The following MAP3K11 variants were observed in gnomAD, a reference collection of about 807,000 sequenced individuals.
MAP3K11 encodes mitogen-activated protein kinase kinase kinase 11, also known as SH3 domain-containing proline-rich kinase.
In MAP3K11, 46 loss-of-function variants were observed where a neutral mutation model predicts 84.9. That is an observed-to-expected ratio of 0.54 (90% CI 0.43 to 0.69). MAP3K11 has a LOEUF of 0.69. Among genes scored for constraint, MAP3K11 ranks in the 30% least tolerant of loss-of-function variants. The probability of loss-of-function intolerance (pLI) is 0.00; values close to 1 mark genes in which losing one functional copy is unlikely to be tolerated. For missense variants in MAP3K11, 1,053 were observed against 1,198.3 expected, an observed-to-expected ratio of 0.88 and a Z score of 1.79; for synonymous variants, 527 against 514.7, an observed-to-expected ratio of 1.02 and a Z score of -0.32.
chr11:65,613,975 G>A lies in MAP3K11; in HGVS notation c.-219C>T, dbSNP rs959349628. On this transcript the variant is annotated 5_prime_UTR_variant, in exon 1 of 10. Coordinates refer to ENST00000309100, the MANE Select transcript of MAP3K11 (RefSeq NM_002419.4). The stretch of plus-strand genomic sequence containing the variant: ...GCACCCAGGGCAGTGTGGTCAGGCC[G>A]GGGGGGTGGGGCCCCGGGGCCTCCG... The A allele has an allele frequency of 5.3e-6, 3 of 570,184 alleles. No homozygotes were observed. Among genetic ancestry groups the A allele is most frequent in the Non-Finnish European group, 8.9e-6 (3 of 338,728 alleles). The allele number at this position is 570,184 out of a possible 1,614,324, so 35.3% of individuals were successfully genotyped here.
In MAP3K11 at chr11:65,607,902, T is replaced by C. The variant is rs761601383; in HGVS notation, c.1069+20A>G. On this transcript the variant is annotated intron_variant, in intron 3 of 9. Transcript: ENST00000309100. ...GGGCCAGGGAGCTCTGTACCTCACC[T>C]GCCCTCCCCGTCCTCTTACCGGCCA... 5 of 1,611,934 alleles carry C rather than the reference T, an allele frequency of 3.1e-6. No individual in the cohort carries two copies. The East Asian group carries it at 8.9e-5, about 29-fold the overall frequency.
chr11:65,605,449 T>C (rs923235178), intron 8 of MAP3K11: 3 of 237,400 alleles, frequency 1.3e-5, no homozygotes, highest in Non-Finnish European at 2.4e-5. Context: ...CTTTTCTCCC[T>C]GGAGCCTGCT....
intron 8 of MAP3K11, among the ~76,000 whole-genome samples, chr11:65,600,021 C>A (rs543794279): frequency 1.3e-5 from 2 of 152,234 alleles, no homozygotes; most frequent in Non-Finnish European, 2.9e-5. Flanking sequence ...GACCCCAGAC[C>A]CGAAAGATGG....
chr11:65,604,251 T>TGCCCGG (rs1854484025), intron 8 of MAP3K11, among the ~76,000 whole-genome samples: 1 of 152,256 alleles, frequency 6.6e-6, no homozygotes, highest in Non-Finnish European at 1.5e-5. Flanking sequence ...AGGCCCCTTG[T>TGCCCGG]GCCCCTGCTT....
At chr11:65,607,568 G>T in intron 4 of MAP3K11, 55 bp from the exon 5 acceptor site, 4 of 1,548,728 alleles carry the variant, frequency 2.6e-6, no homozygotes, top group Non-Finnish European at 3.5e-6. Context: ...TCCCGGCAGC[G>T]CCCGCCCCGA....
In MAP3K11 at chr11:65,598,332, T is replaced by A; in HGVS notation, c.2503A>T (p.Met835Leu). 2.7e-6 allele frequency: 4 copies of A among 1,489,810 alleles called. No individual in the cohort carries two copies. Among genetic ancestry groups the A allele is most frequent in the Non-Finnish European group, 3.6e-6 (4 of 1,118,518 alleles). The allele number at this position is 1,489,810 out of a possible 1,614,324, so 92.3% of individuals were successfully genotyped here. A position where few individuals can be genotyped will look rare whatever the true frequency, so the allele number is the denominator to read the frequency against. ...GGCACCCACGGGGCCTGGGCACCCATGTCTTTGGTCTGTGCCCTGCAGTCC... is the reference window on the plus strand; with the variant it reads ...GGCACCCACGGGGCCTGGGCACCCAAGTCTTTGGTCTGTGCCCTGCAGTCC... ...PQDCRAQTKD[M>L]GAQAPWVPEA... The change falls in exon 10 of 10, where the codon ATG (methionine) becomes TTG (leucine). Residue 835 changes from methionine to leucine, a missense_variant. Met to Leu is a conservative substitution (Grantham distance 15, BLOSUM62 2). Transcript: ENST00000309100.
Position 65,606,717 on chromosome 11 carries a change from G to C in MAP3K11, c.1577C>G (p.Thr526Ser). 1 of 1,601,902 alleles carries C rather than the reference G, an allele frequency of 6.2e-7. No individual in the cohort carries two copies. Among genetic ancestry groups the C allele is most frequent in the Non-Finnish European group, 8.5e-7 (1 of 1,174,856 alleles). ...CTGGATGGCTCGGAACCGGGGAAAG[G>C]TGGGCGAATCCCCAGGCCCGACCTC... ...VFEVGPGDSP[T>S]FPRFRAIQLE... The change falls in exon 6 of 10, where the codon ACC (threonine) becomes AGC (serine). Residue 526 changes from threonine to serine, a missense_variant. Transcript: ENST00000309100.
At chr11:65,608,653 T>C (rs1854540447) in intron 1 of MAP3K11, 2 of 552,468 alleles carry the variant, frequency 3.6e-6, no homozygotes, top group East Asian at 6.2e-5. Context: ...GTTTTGCTCT[T>C]GTTGCCCAGG....
At position 65,607,343 on chromosome 11, in the gene MAP3K11, G is replaced by A. The variant is rs1590856925; in HGVS notation, c.1416C>T (p.Arg472=). The part of the protein sequence containing the change: ...QQVDRERPHV[R]RRRGTFKRSK... ...TGCGCTTGAATGTCCCGCGGCGGCG[G>A]CGCACGTGCGGTCGCTCGCGGTCCA... is the stretch of plus-strand genomic sequence containing the variant. Residue 472 remains arginine (R), a synonymous_variant, in exon 5 of 10, where the codon CGC becomes CGT. Coordinates refer to ENST00000309100, the MANE Select transcript of MAP3K11 (RefSeq NM_002419.4). The A allele has an allele frequency of 6.6e-7, 1 of 1,504,682 alleles. No homozygotes were observed. Among genetic ancestry groups the A allele is most frequent in the Non-Finnish European group, 8.8e-7 (1 of 1,135,716 alleles). The allele number at this position is 1,504,682 out of a possible 1,614,324, so 93.2% of individuals were successfully genotyped here. A position where few individuals can be genotyped will look rare whatever the true frequency, so the allele number is the denominator to read the frequency against.
chr11:65,608,738 C>T lies in MAP3K11; in HGVS notation c.740-290G>A, dbSNP rs1027078144. ...GTTCAAGCGATTGTCCTGCCCCAGC[C>T]TCCCGAGTAGTGGGATTATGGGCAT... On this transcript the variant is annotated intron_variant, in intron 1 of 9. Coordinates refer to ENST00000309100, the MANE Select transcript of MAP3K11 (RefSeq NM_002419.4). 9.0e-6 allele frequency: 3 copies of T among 332,034 alleles called. No individual in the cohort carries two copies. The Admixed American group carries it at 1.4e-4, about 15-fold the overall frequency. 20.6% of individuals were successfully genotyped at this position (332,034 alleles called of 1,614,324 possible).
At position 65,599,451 on chromosome 11, in the gene MAP3K11, C is replaced by A. The variant is rs143609435; in HGVS notation, c.2149G>T (p.Gly717Cys). The A allele has an allele frequency of 4.0e-6, 6 of 1,518,384 alleles. No homozygotes were observed. The highest frequency in any genetic ancestry group is 1.5e-5 in the African/African-American group (1 of 67,838). 94.1% of individuals were successfully genotyped at this position (1,518,384 alleles called of 1,614,324 possible). The change falls in exon 9 of 10, where the codon GGT becomes TGT. Residue 717 changes from glycine to cysteine, a missense_variant. Physicochemically the swap from Gly to Cys is radical, Grantham distance 159. Coordinates refer to ENST00000309100, the MANE Select transcript of MAP3K11 (RefSeq NM_002419.4). ...GCTGACCGCTGGCCCACAGGGATAC[C>A]CAGGTCCAGCAACAGGGGTGCAGGA... ...PTPAPLLLDL[G>C]IPVGQRSAKS...
chr11:65,606,707 C>T lies in MAP3K11; in HGVS notation c.1587G>A (p.Arg529=). Residue 529 remains arginine (R), a synonymous_variant, in exon 6 of 10, where the codon CGG becomes CGA. Transcript: ENST00000309100. The part of the protein sequence containing the change: ...VGPGDSPTFP[R]FRAIQLEPAE... ...GTTTCTTACACTGGATGGCTCGGAA[C>T]CGGGGAAAGGTGGGCGAATCCCCAG... 5 of 1,599,308 alleles carry T rather than the reference C, an allele frequency of 3.1e-6. 1 individual carries two copies. In the South Asian group the frequency reaches 5.7e-5, roughly 18 times the overall value.
Position 65,608,088 on chromosome 11 carries a change from G to A in MAP3K11, c.921-18C>T. The A allele has an allele frequency of 2.5e-6, 4 of 1,612,032 alleles. No homozygotes were observed. Among genetic ancestry groups the A allele is most frequent in the Non-Finnish European group, 2.5e-6 (3 of 1,178,376 alleles). ...CCCCAAAACTGTGGGCGAGACAACA[G>A]GTCTGTGTTCCCTTTTCTCTCCCAA... On this transcript the variant is annotated intron_variant, in intron 2 of 9. Transcript: ENST00000309100.
chr11:65,600,794 T>C (rs1304625420), intron 8 of MAP3K11, among the ~76,000 whole-genome samples: 1 of 152,214 alleles, frequency 6.6e-6, no homozygotes, highest in Non-Finnish European at 1.5e-5. Context: ...TCCCTGGCCT[T>C]GTCCCTCTGC....
chr11:65,606,635 G>C (rs1052064170), intron 6 of MAP3K11, 56 bp downstream of exon 6: 2 of 1,320,332 alleles, frequency 1.5e-6, no homozygotes, highest in African/African-American at 3.0e-5. Flanking sequence ...AATAAGGTCT[G>C]ACAGAGAATA....
Position 65,607,418 on chromosome 11 carries a change from C to A in MAP3K11, c.1341G>T (p.Gln447His). The A allele has an allele frequency of 6.6e-7, 1 of 1,511,994 alleles. No homozygotes were observed. Among genetic ancestry groups the A allele is most frequent in the Non-Finnish European group, 8.8e-7 (1 of 1,138,062 alleles). The allele number at this position is 1,511,994 out of a possible 1,614,324, so 93.7% of individuals were successfully genotyped here. ...CGCGCTCGAACACCTCTAGCTCCCACTGGGCCAGCAGGTGCTCGCGCCGCC... is the reference window on the plus strand; with the variant it reads ...CGCGCTCGAACACCTCTAGCTCCCAATGGGCCAGCAGGTGCTCGCGCCGCC... ...QLRRREHLLAQWELEVFEREL... is the reference protein window; with the variant it reads ...QLRRREHLLAHWELEVFEREL... The change falls in exon 5 of 10, where the codon CAG (glutamine) becomes CAT (histidine). Residue 447 changes from glutamine (Q) to histidine (H), a missense_variant. Around this residue, in one of 3 missense-constraint regions of MAP3K11, gnomAD observed 310 missense variants for 464.5 expected, o/e 0.67. Coordinates refer to ENST00000309100, the MANE Select transcript of MAP3K11 (RefSeq NM_002419.4).
At chr11:65,602,923 T>C (rs1342821032) in intron 8 of MAP3K11, among the ~76,000 whole-genome samples, 1 of 151,856 alleles carries the variant, frequency 6.6e-6, no homozygotes, top group African/African-American at 2.4e-5. Flanking sequence ...CTGGGCAACA[T>C]GGCAAAACCC....
At position 65,613,203 on chromosome 11, in the gene MAP3K11, T is replaced by G; in HGVS notation, c.554A>C (p.Glu185Ala). The change falls in exon 1 of 10, where the codon GAG (glutamate) becomes GCG (alanine). Residue 185 changes from glutamate to alanine, a missense_variant. By Grantham distance (107) the Glu-to-Ala change is moderately radical. Coordinates refer to ENST00000309100, the MANE Select transcript of MAP3K11 (RefSeq NM_002419.4). ...CATCACCAGGCACAGGTTGGGCTCC[T>G]CCAGGCACACAGCCTTGAGGGCAAT... Reference protein sequence around the residue: ...NIIALKAVCLEEPNLCLVMEY... With the variant: ...NIIALKAVCLAEPNLCLVMEY... 3 of 1,590,178 alleles carry G rather than the reference T, an allele frequency of 1.9e-6. No individual in the cohort carries two copies. The highest frequency in any genetic ancestry group is 2.6e-6 in the Non-Finnish European group (3 of 1,166,108).
chr11:65,599,690 G>A lies in MAP3K11; in HGVS notation c.1910C>T (p.Thr637Met), dbSNP rs747721707. Residue 637 changes from threonine (T) to methionine (M), a missense_variant, in exon 9 of 10, where the codon ACG (threonine) becomes ATG (methionine). Physicochemically the swap from Thr to Met is moderately conservative, Grantham distance 81 (BLOSUM62 -1). Transcript: ENST00000309100. ...CAGCGCCCGCTGGATCAGCTTGGGC[G>A]TCCCAGAGCTGCTACCGCGCTCTGC... is the stretch of plus-strand genomic sequence containing the variant. ...VPAERGSSSG[T>M]PKLIQRALLR... The A allele has an allele frequency of 3.8e-6, 6 of 1,567,568 alleles. No homozygotes were observed. Among genetic ancestry groups the A allele is most frequent in the East Asian group, 2.3e-5 (1 of 43,120 alleles).
Sources: gnomAD v4.1 joint callset for allele counts (sites outside exome capture counted in the v4.1 genomes callset) on GRCh38, gnomAD v4.1.1 for gene constraint, gnomAD v4.1.1 regional missense constraint, MANE v1.5 for transcripts, NCBI Gene and HGNC (gene_info 2026-07-23, HGNC 2026-07-21) for gene names.